The following RASA1 variants were observed in gnomAD, a reference collection of about 807,000 sequenced individuals.
RASA1 encodes the protein ras GTPase-activating protein 1.
In RASA1, 25 loss-of-function variants were observed where a neutral mutation model predicts 132.2. The observed-to-expected ratio is 0.19, with a 90% confidence interval of 0.14 to 0.26. The LOEUF (loss-of-function observed/expected upper bound fraction) is 0.26. Among genes scored for constraint, RASA1 ranks in the 10% least tolerant of loss-of-function variants. The pLI, the probability that RASA1 is intolerant of heterozygous loss-of-function variation, is 1.00. For missense variants in RASA1, 964 were observed against 1,299.2 expected (o/e 0.74, Z 3.97); for synonymous variants, 477 against 449.9 (o/e 1.06, Z -0.76).
chr5:87,357,087 TC>T (rs1363529236), intron 9 of RASA1, among the ~76,000 whole-genome samples: 1 of 152,150 alleles, frequency 6.6e-6, no homozygotes, highest in African/African-American at 2.4e-5. Flanking sequence ...ATGTGCTCCT[TC>T]CTATCACCAT....
chr5:87,269,114 A>G (rs755232292), intron 1 of RASA1, 124 bp downstream of exon 1: 23 of 1,613,634 alleles, frequency 1.4e-5, no homozygotes, highest in Middle Eastern at 1.6e-4. Context: ...TTGAAGTTTC[A>G]GGTTTCTTGG....
chr5:87,335,922 C>T (rs1380412168), intron 4 of RASA1, among the ~76,000 whole-genome samples: 1 of 152,132 alleles, frequency 6.6e-6, no homozygotes, highest in East Asian at 1.9e-4. Flanking sequence ...GTTTTGGATT[C>T]CATATTACAA....
At chr5:87,330,380 G>A (rs1445117509) in intron 1 of RASA1, among the ~76,000 whole-genome samples, 1 of 152,004 alleles carries the variant, frequency 6.6e-6, no homozygotes, top group African/African-American at 2.4e-5. Flanking sequence ...TAAAGCTGAA[G>A]TACTATATTA....
Position 87,362,688 on chromosome 5 carries a change from A to G in RASA1, c.1453+17A>G. ...TGAAAAAGGGTAAGTTCAGACTTTT[A>G]TCATTAACCCATTTGATAGAGACGT... On this transcript the variant is annotated intron_variant, in intron 10 of 24. Transcript: ENST00000274376. 1 of 1,600,178 alleles carries G rather than the reference A, an allele frequency of 6.2e-7. No individual in the cohort carries two copies. The highest frequency in any genetic ancestry group is 8.6e-7 in the Non-Finnish European group (1 of 1,167,752).
At chr5:87,274,392 C>T (rs1753980006) in intron 1 of RASA1, among the ~76,000 whole-genome samples, 2 of 152,128 alleles carry the variant, frequency 1.3e-5, no homozygotes, top group African/African-American at 4.8e-5. Flanking sequence ...ATGTAGCATT[C>T]ATTAACTTTG....
At chr5:87,368,654 C>G (rs1472145721) in intron 11 of RASA1, among the ~76,000 whole-genome samples, 5 of 152,156 alleles carry the variant, frequency 3.3e-5, no homozygotes, top group African/African-American at 4.8e-5. Flanking sequence ...AATGGAAAGC[C>G]TGAAATTCAT....
chr5:87,301,164 T>TA (rs1381802518), intron 1 of RASA1, among the ~76,000 whole-genome samples: 1 of 152,236 alleles, frequency 6.6e-6, no homozygotes, highest in South Asian at 2.1e-4. Flanking sequence ...CACATTGTTA[T>TA]AAAGTGTTTA....
At chr5:87,298,465 C>T (rs1003277571) in intron 1 of RASA1, among the ~76,000 whole-genome samples, 1 of 150,916 alleles carries the variant, frequency 6.6e-6, no homozygotes, top group Non-Finnish European at 1.5e-5. Flanking sequence ...AACTGACAGG[C>T]AGCAGCTTAA....
At chr5:87,346,603 T>G in intron 6 of RASA1, 69 bp from the exon 7 acceptor site, 3 of 981,304 alleles carry the variant, frequency 3.1e-6, no homozygotes, top group Non-Finnish European at 4.7e-6. Context: ...ATATTGGTTG[T>G]TTAATTTTGA....
chr5:87,268,719 G>C lies in RASA1; in HGVS notation c.268G>C (p.Gly90Arg), dbSNP rs766038141. 1.9e-6 allele frequency: 3 copies of C among 1,612,632 alleles called. No homozygotes were observed. The South Asian group carries it at 3.3e-5, about 18-fold the overall frequency. ...GGGGGGAGCTGGACTGACAGGGGGA[G>C]GTACTGCTGCTGGCGTAGCTGGTGC... is the stretch of plus-strand genomic sequence containing the variant. ...ALGGAGLTGG[G>R]TAAGVAGAAA... The change falls in exon 1 of 25, where the codon GGT (glycine) becomes CGT (arginine). Residue 90 changes from glycine to arginine, a missense_variant. Gly to Arg is a moderately radical substitution (Grantham distance 125, BLOSUM62 -2). Around this residue, in one of 6 missense-constraint regions of RASA1, gnomAD observed 326 missense variants for 275.8 expected, o/e 1.18. Transcript: ENST00000274376.
chr5:87,373,922 A>T lies in RASA1; in HGVS notation c.1777-241A>T, dbSNP rs1488885681. 2.0e-5 allele frequency among the ~76,000 whole-genome samples: 3 copies of T among 152,040 alleles called. 1 individual carries two copies. The highest frequency in any genetic ancestry group is 2.0e-4 in the Admixed American group (3 of 15,266). Reference sequence around the variant, plus strand: ...TATTTCTCCAGGAATATACTGGGAGAAATAACTTGTAAAATAAAATTGCAT... The same window carrying T: ...TATTTCTCCAGGAATATACTGGGAGTAATAACTTGTAAAATAAAATTGCAT... On this transcript the variant is annotated intron_variant, in intron 13 of 24. Transcript: ENST00000274376.
chr5:87,389,342 A>C (rs368163597), intron 23 of RASA1, 51 bp from the exon 24 acceptor site: 595 of 1,600,856 alleles, frequency 3.7e-4, no homozygotes, highest in Non-Finnish European at 4.8e-4. Context: ...AAAAAAAACA[A>C]AAAAAAAGAA....
intron 1 of RASA1, among the ~76,000 whole-genome samples, chr5:87,320,927 CT>C (rs1349790277): frequency 5.9e-5 from 9 of 152,300 alleles, no homozygotes; most frequent in African/African-American, 2.2e-4. Context: ...AGGCTGGAGC[CT>C]TTCATGGTGG....
chr5:87,275,967 CCTTG>C (rs1269254072), intron 1 of RASA1, among the ~76,000 whole-genome samples: 1 of 152,104 alleles, frequency 6.6e-6, no homozygotes, highest in African/African-American at 2.4e-5. Flanking sequence ...TGTTCCTCAT[CCTTG>C]CTAATGTTCC....
At chr5:87,302,397 T>C (rs1755405932) in intron 1 of RASA1, among the ~76,000 whole-genome samples, 1 of 151,994 alleles carries the variant, frequency 6.6e-6, no homozygotes, top group Non-Finnish European at 1.5e-5. Context: ...TCCAGTTTTC[T>C]ATTGGTTTTT....
chr5:87,341,178 C>T lies in RASA1; in HGVS notation c.1018-112C>T, dbSNP rs1580306721. 1.6e-5 allele frequency: 9 copies of T among 554,840 alleles called. No homozygotes were observed. The East Asian group carries it at 2.6e-4, about 16-fold the overall frequency. The allele number at this position is 554,840 out of a possible 1,614,324, so 34.4% of individuals were successfully genotyped here. On this transcript the variant is annotated intron_variant, in intron 5 of 24. Coordinates refer to ENST00000274376, the MANE Select transcript of RASA1 (RefSeq NM_002890.3). Reference sequence around the variant, plus strand: ...ACAGAAACATCTTTTTTTATATAAACATAAATAAGGATAGTGTGGGGATAT... The same window carrying T: ...ACAGAAACATCTTTTTTTATATAAATATAAATAAGGATAGTGTGGGGATAT...
chr5:87,329,524 A>G (rs1474737931), intron 1 of RASA1, among the ~76,000 whole-genome samples: 1 of 152,178 alleles, frequency 6.6e-6, no homozygotes, highest in Non-Finnish European at 1.5e-5. Context: ...TATTTCTTAT[A>G]AAGTAGTAAT....
At chr5:87,309,872 A>G (rs1323077509) in intron 1 of RASA1, among the ~76,000 whole-genome samples, 4 of 152,028 alleles carry the variant, frequency 2.6e-5, no homozygotes. Context: ...ATCTTACTGA[A>G]TGTTGTATCA....
In RASA1 at chr5:87,378,391, T is replaced by C. The variant is rs1761467081; in HGVS notation, c.2345-5T>C. On this transcript the variant is annotated splice_region_variant and splice_polypyrimidine_tract_variant and intron_variant, in intron 17 of 24. Coordinates refer to ENST00000274376, the MANE Select transcript of RASA1 (RefSeq NM_002890.3). ...AATAATCTTCTAATGTAAATATTTG[T>C]GTAGATGAAGCCACTACCCTATTTC... is the stretch of plus-strand genomic sequence containing the variant. The C allele has an allele frequency of 6.2e-7, 1 of 1,612,816 alleles. No homozygotes were observed. The highest frequency in any genetic ancestry group is 8.5e-7 in the Non-Finnish European group (1 of 1,178,962).
Sources: gnomAD v4.1 joint callset for allele counts (sites outside exome capture counted in the v4.1 genomes callset) on GRCh38, gnomAD v4.1.1 for gene constraint, gnomAD v4.1.1 regional missense constraint, MANE v1.5 for transcripts, NCBI Gene and HGNC (gene_info 2026-07-23, HGNC 2026-07-21) for gene names.